SLC24A2: variants seen among roughly 807,000 people sequenced by gnomAD.
The protein encoded by SLC24A2 is solute carrier family 24 member 2, also known as sodium/potassium/calcium exchanger 2.
A neutral mutation model predicts 62.0 loss-of-function variants in SLC24A2; 36 were observed. The ratio of observed to expected loss-of-function variants is 0.58; its 90% confidence interval spans 0.44 to 0.77. The LOEUF is 0.77. SLC24A2 is among the 30% of genes least tolerant of loss of function. The pLI is 0.00. For missense variants in SLC24A2, 846 were observed against 817.9 expected (o/e 1.03, Z -0.42); for synonymous variants, 358 against 294.0 (o/e 1.22, Z -2.23).
the SLC24A2 span, among the ~76,000 whole-genome samples, chr9:19,903,862 G>A: frequency 1.2e-4 from 19 of 152,290 alleles, no homozygotes; most frequent in Admixed American, 9.2e-4. Context: ...TAACATTCAG[G>A]TAACCCAGGT....
At chr9:20,180,202 T>C in the SLC24A2 span, among the ~76,000 whole-genome samples, 1 of 152,212 alleles carries the variant, frequency 6.6e-6, no homozygotes, top group Non-Finnish European at 1.5e-5. Context: ...GATTTCTTTT[T>C]TTAAAAGTTT....
the SLC24A2 span, among the ~76,000 whole-genome samples, chr9:20,074,505 T>C: frequency 4.3e-4 from 65 of 151,256 alleles, no homozygotes; most frequent in African/African-American, 1.5e-3. Flanking sequence ...TGGCAGTTCT[T>C]ATTAGGTCAT....
At chr9:19,569,729 C>G (rs2132834648) in intron 7 of SLC24A2, among the ~76,000 whole-genome samples, 1 of 152,286 alleles carries the variant, frequency 6.6e-6, no homozygotes, top group Admixed American at 6.5e-5. Flanking sequence ...CAGAAGTCAG[C>G]TACCCTATCA....
At chr9:19,985,571 A>T in the SLC24A2 span, among the ~76,000 whole-genome samples, 4 of 152,174 alleles carry the variant, frequency 2.6e-5, no homozygotes, top group Non-Finnish European at 4.4e-5. Flanking sequence ...GCCAGGGACC[A>T]GGGTCAGAGA....
At chr9:20,272,196 GA>G in the SLC24A2 span, among the ~76,000 whole-genome samples, 1 of 152,194 alleles carries the variant, frequency 6.6e-6, no homozygotes, top group African/African-American at 2.4e-5. Context: ...TAATTTGGGA[GA>G]AGCACCAGCA....
the SLC24A2 span, among the ~76,000 whole-genome samples, chr9:20,107,934 GCAACCTACTCATCTGA>G: frequency 6.6e-6 from 1 of 151,994 alleles, no homozygotes; most frequent in Non-Finnish European, 1.5e-5. Context: ...GAAAATTTTC[GCAACCTACTCATCTGA>G]CAAAGTTCAC....
the SLC24A2 span, among the ~76,000 whole-genome samples, chr9:20,029,942 G>C: frequency 2.6e-5 from 4 of 152,276 alleles, no homozygotes; most frequent in South Asian, 8.3e-4. Context: ...AGGGTGCTGT[G>C]GCAGCATAGA....
chr9:19,730,495 A>G (rs1201207693), intron 2 of SLC24A2, among the ~76,000 whole-genome samples: 1 of 152,184 alleles, frequency 6.6e-6, no homozygotes, highest in Non-Finnish European at 1.5e-5. Flanking sequence ...CAGTAGGCGA[A>G]CAGTTAAATG....
At chr9:20,273,339 G>A in the SLC24A2 span, among the ~76,000 whole-genome samples, 1 of 152,142 alleles carries the variant, frequency 6.6e-6, no homozygotes, top group Non-Finnish European at 1.5e-5. Flanking sequence ...CCAGAGAAAA[G>A]AAACAAAGAC....
the SLC24A2 span, among the ~76,000 whole-genome samples, chr9:19,922,327 G>C: frequency 6.6e-6 from 1 of 152,080 alleles, no homozygotes; most frequent in East Asian, 1.9e-4. Flanking sequence ...CCAAATTGCA[G>C]GGAATTCCTA....
the SLC24A2 span, among the ~76,000 whole-genome samples, chr9:19,839,884 C>T: frequency 4.6e-5 from 7 of 152,132 alleles, no homozygotes; most frequent in Non-Finnish European, 8.8e-5. Flanking sequence ...ATTACAGTAG[C>T]ATATACTGTA....
At chr9:19,568,820 G>A (rs1320733482) in intron 7 of SLC24A2, among the ~76,000 whole-genome samples, 1 of 152,162 alleles carries the variant, frequency 6.6e-6, no homozygotes. Context: ...TTATAGAAGG[G>A]TGCATATTAA....
chr9:19,580,342 T>A (rs546367924), intron 5 of SLC24A2, among the ~76,000 whole-genome samples: 2 of 152,238 alleles, frequency 1.3e-5, no homozygotes, highest in Non-Finnish European at 2.9e-5. Flanking sequence ...AGGGCCCACC[T>A]TCAGAATGTG....
intron 5 of SLC24A2, among the ~76,000 whole-genome samples, chr9:19,580,717 A>C (rs1227595400): frequency 6.6e-6 from 1 of 152,236 alleles, no homozygotes; most frequent in Non-Finnish European, 1.5e-5. Flanking sequence ...TCTGAGTTCA[A>C]GCCCTAGCTC....
At chr9:20,208,019 A>C in the SLC24A2 span, among the ~76,000 whole-genome samples, 1 of 152,238 alleles carries the variant, frequency 6.6e-6, no homozygotes, top group Non-Finnish European at 1.5e-5. Flanking sequence ...AATGGACTTA[A>C]AGACTTGTAA....
chr9:19,789,930 A>G (rs552024284), upstream of SLC24A2, among the ~76,000 whole-genome samples: 3 of 152,156 alleles, frequency 2.0e-5, no homozygotes, highest in South Asian at 2.1e-4. Context: ...CCTCCTTACA[A>G]TGGGGGTAAT....
chr9:19,611,720 G>A (rs1387270341), intron 4 of SLC24A2, among the ~76,000 whole-genome samples: 1 of 152,136 alleles, frequency 6.6e-6, no homozygotes, highest in Non-Finnish European at 1.5e-5. Flanking sequence ...CCTTCAGAAA[G>A]AGGGAAAAGG....
the SLC24A2 span, among the ~76,000 whole-genome samples, chr9:20,137,019 T>G: frequency 6.6e-6 from 1 of 152,128 alleles, no homozygotes; most frequent in South Asian, 2.1e-4. Flanking sequence ...AACATTATAT[T>G]AAATGGAGGC....
chr9:19,834,346 A>G, the SLC24A2 span, among the ~76,000 whole-genome samples: 1 of 152,100 alleles, frequency 6.6e-6, no homozygotes, highest in Non-Finnish European at 1.5e-5. Context: ...AGACGAATGG[A>G]TAACTAGAAT....
Sources: allele counts gnomAD v4.1 joint callset (sites outside exome capture counted in the v4.1 genomes callset), GRCh38; gene constraint gnomAD v4.1.1; transcripts MANE v1.5; gene names NCBI Gene and HGNC (gene_info 2026-07-23, HGNC 2026-07-21).